Variants in FRMPD4 observed in about 807,000 individuals in gnomAD.
FRMPD4 encodes FERM and PDZ domain containing 4.
A neutral mutation model predicts 94.1 loss-of-function variants in FRMPD4; 22 were observed. The ratio of observed to expected loss-of-function variants is 0.23; its 90% CI spans 0.17 to 0.33. FRMPD4 has a LOEUF of 0.33. Ranked by LOEUF, FRMPD4 falls within the 10% of genes least tolerant of loss-of-function variation. The probability of loss-of-function intolerance (pLI) is 1.00; values close to 1 mark genes in which losing one functional copy is unlikely to be tolerated. For missense variants in FRMPD4, 1,111 were observed against 1,339.9 expected (o/e 0.83, Z 2.67); for synonymous variants, 631 against 548.6 (o/e 1.15, Z -2.10).
intron 3 of FRMPD4, among the ~76,000 whole-genome samples, chrX:11,920,776 T>C (rs1250379232): frequency 1.8e-5 from 2 of 111,996 alleles, no homozygotes; most frequent in African/African-American, 6.5e-5. Context: ...TAAAGTGTTA[T>C]AGCTATGCCA....
At chrX:12,505,727 G>GAA (rs34064982) in intron 2 of FRMPD4, among the ~76,000 whole-genome samples, 4,254 of 46,227 alleles carry the variant, frequency 0.092, 276 homozygotes, top group African/African-American at 0.18. Context: ...AACTCCATCC[G>GAA]AAAAAAAAAA....
chrX:11,874,770 C>A (rs1227893209), intron 2 of FRMPD4, among the ~76,000 whole-genome samples: 3 of 111,484 alleles, frequency 2.7e-5, no homozygotes, highest in African/African-American at 9.8e-5. Flanking sequence ...TGGAAGACAT[C>A]CTAGAAAATG....
chrX:11,954,902 C>CA (rs967944358), intron 3 of FRMPD4, among the ~76,000 whole-genome samples: 11 of 108,146 alleles, frequency 1.0e-4, no homozygotes, highest in East Asian at 2.9e-4. Flanking sequence ...AAAACCCCTT[C>CA]AAAAAAAAAC....
chrX:12,423,494 T>G (rs2056910621), intron 1 of FRMPD4, among the ~76,000 whole-genome samples: 1 of 111,756 alleles, frequency 8.9e-6, no homozygotes, highest in South Asian at 3.7e-4. Flanking sequence ...GATTATGAGC[T>G]TTAAGCTTCT....
At chrX:12,462,209 C>A (rs1308700007) in intron 1 of FRMPD4, among the ~76,000 whole-genome samples, 1 of 111,617 alleles carries the variant, frequency 9.0e-6, no homozygotes, top group Non-Finnish European at 1.9e-5. Context: ...ATAATGAATA[C>A]AGTGTTCCAA....
Position 12,718,665 on chromosome X carries a change from C to G in FRMPD4, c.3839C>G (p.Pro1280Arg), listed in dbSNP as rs762695187. The G allele has an allele frequency of 1.2e-5, 14 of 1,206,968 alleles. No individual in the cohort carries two copies. Among genetic ancestry groups the G allele is most frequent in the Non-Finnish European group, 1.6e-5 (14 of 892,294 alleles). Residue 1280 changes from proline (P) to arginine (R), a missense_variant, in exon 16 of 17, where the codon CCA becomes CGA. Transcript: ENST00000675598. ...GGAGCCACCTTTAAGGAACTGCACCCACAGACAGAAGGGATGTGTCCACGG... is the reference window on the plus strand; with the variant it reads ...GGAGCCACCTTTAAGGAACTGCACCGACAGACAGAAGGGATGTGTCCACGG... ...NHGATFKELH[P>R]QTEGMCPRMT...
chrX:12,719,268 C>T (rs1228776818), intron 16 of FRMPD4, among the ~76,000 whole-genome samples: 1 of 112,680 alleles, frequency 8.9e-6, no homozygotes, highest in Non-Finnish European at 1.9e-5. Context: ...CTTACTGATT[C>T]CTCCCTACTC....
At chrX:12,652,785 A>G (rs1482485522) in intron 4 of FRMPD4, among the ~76,000 whole-genome samples, 2 of 111,729 alleles carry the variant, frequency 1.8e-5, no homozygotes, top group African/African-American at 6.5e-5. Context: ...AGAAGGCTGC[A>G]CAAGGCAATA....
intron 1 of FRMPD4, among the ~76,000 whole-genome samples, chrX:12,285,926 C>T (rs1183860667): frequency 2.7e-5 from 3 of 111,745 alleles, no homozygotes. Flanking sequence ...GATTTCCTGT[C>T]TTGGCCTTTA....
At chrX:12,664,349 T>C (rs1382473338) in intron 4 of FRMPD4, among the ~76,000 whole-genome samples, 3 of 112,236 alleles carry the variant, frequency 2.7e-5, no homozygotes, top group African/African-American at 9.7e-5. Context: ...TTTTCATAAA[T>C]AGCTCTTATT....
rs1373379865 is a variant in FRMPD4, at chrX:11,900,093, G to C, written c.95+22075G>C. 4.5e-5 allele frequency among the ~76,000 whole-genome samples: 5 copies of C among 111,343 alleles called. No individual in the cohort carries two copies. In the Admixed American group the frequency reaches 4.8e-4, roughly 11 times the overall value. ...AGTTATCCGGGGGTCTTTTGGTTTT[G>C]ATTTCATTTCTTATTTAACATGTGG... On this transcript the variant is annotated intron_variant, in intron 3 of 18. Transcript: ENST00000640291.
chrX:12,178,715 A>G (rs1477795672), intron 1 of FRMPD4, among the ~76,000 whole-genome samples: 3 of 111,951 alleles, frequency 2.7e-5, no homozygotes, highest in African/African-American at 9.8e-5. Context: ...GAGAAGGCAT[A>G]AGAGTTCGTA....
intron 3 of FRMPD4, among the ~76,000 whole-genome samples, chrX:12,094,874 A>G (rs2055184987): frequency 8.9e-6 from 1 of 112,003 alleles, no homozygotes; most frequent in Admixed American, 9.5e-5. Flanking sequence ...TGTTACCTGT[A>G]CGTATAATTA....
At chrX:12,193,766 G>GA (rs753890468) in intron 1 of FRMPD4, among the ~76,000 whole-genome samples, 4,700 of 19,605 alleles carry the variant, frequency 0.24, 758 homozygotes, top group African/African-American at 0.45. Flanking sequence ...AAGAAAGAAA[G>GA]AAAGAAAGGA....
intron 1 of FRMPD4, among the ~76,000 whole-genome samples, chrX:12,458,098 A>T (rs781683420): frequency 8.9e-6 from 1 of 112,114 alleles, no homozygotes; most frequent in South Asian, 3.7e-4. Flanking sequence ...GGGTGCCTAC[A>T]TGATCAGCAC....
chrX:12,207,867 G>C (rs2056710906), intron 1 of FRMPD4, among the ~76,000 whole-genome samples: 1 of 111,643 alleles, frequency 9.0e-6, no homozygotes, highest in Non-Finnish European at 1.9e-5. Context: ...TAGTTGGAAA[G>C]TTAATGATCT....
chrX:11,980,761 A>G (rs1182836757), intron 3 of FRMPD4, among the ~76,000 whole-genome samples: 1 of 112,086 alleles, frequency 8.9e-6, no homozygotes, highest in Non-Finnish European at 1.9e-5. Flanking sequence ...TTTGTTTTGT[A>G]GGATTGCCAT....
At chrX:12,616,555 G>A (rs2059238054) in intron 4 of FRMPD4, among the ~76,000 whole-genome samples, 1 of 112,130 alleles carries the variant, frequency 8.9e-6, no homozygotes. Flanking sequence ...GTCTTACACA[G>A]GAGCAGACAC....
At chrX:12,636,133 T>C (rs931473528) in intron 4 of FRMPD4, among the ~76,000 whole-genome samples, 9 of 112,191 alleles carry the variant, frequency 8.0e-5, no homozygotes, top group Non-Finnish European at 1.7e-4. Context: ...TCAAATCTCT[T>C]CCATGGTCTC....
Sources: gnomAD v4.1 joint callset for allele counts (sites outside exome capture counted in the v4.1 genomes callset) on GRCh38, gnomAD v4.1.1 for gene constraint, MANE v1.5 for transcripts, NCBI Gene and HGNC (gene_info 2026-07-23, HGNC 2026-07-21) for gene names.